Variants in PIP5K1B observed in about 807,000 individuals in gnomAD.
PIP5K1B encodes phosphatidylinositol 4-phosphate 5-kinase type-1 beta.
Under a neutral mutation model 67.0 loss-of-function variants are expected in PIP5K1B, and 42 were observed. The ratio of observed to expected loss-of-function variants is 0.63; its 90% confidence interval spans 0.49 to 0.81. The LOEUF is 0.81. Among genes scored for constraint, PIP5K1B ranks in the 30% least tolerant of loss-of-function variants. PIP5K1B has a pLI of 0.00. For synonymous variants in PIP5K1B, 214 were observed against 231.4 expected (o/e 0.92, Z 0.68); for missense variants, 459 against 646.3 (o/e 0.71, Z 3.14).
At chr9:68,832,681 A>G (rs1240464082) in intron 4 of PIP5K1B, among the ~76,000 whole-genome samples, 3 of 152,228 alleles carry the variant, frequency 2.0e-5, no homozygotes, top group South Asian at 2.1e-4. Context: ...TCTGACATGC[A>G]CGTACACCCA....
At chr9:68,716,496 A>G (rs12000046) in intron 1 of PIP5K1B, among the ~76,000 whole-genome samples, 17,772 of 152,212 alleles carry the variant, frequency 0.12, 1,132 homozygotes, top group African/African-American at 0.13. Context: ...TATCATCACT[A>G]ATCACCAGAG....
chr9:68,849,654 C>CA (rs1822379775), intron 4 of PIP5K1B, among the ~76,000 whole-genome samples: 1 of 152,240 alleles, frequency 6.6e-6, no homozygotes, highest in Non-Finnish European at 1.5e-5. Context: ...GCATGCGCCA[C>CA]CACGCCCAGC....
At chr9:68,950,834 A>G (rs1828030839) in intron 14 of PIP5K1B, among the ~76,000 whole-genome samples, 1 of 152,256 alleles carries the variant, frequency 6.6e-6, no homozygotes, top group African/African-American at 2.4e-5. Flanking sequence ...TCACCACAGT[A>G]GTGAGCCTTA....
At chr9:68,887,887 G>T (rs1019990901) in intron 6 of PIP5K1B, among the ~76,000 whole-genome samples, 7 of 151,944 alleles carry the variant, frequency 4.6e-5, no homozygotes, top group African/African-American at 1.4e-4. Flanking sequence ...GGGGGCAGAT[G>T]ATCTAGGGTC....
At chr9:69,007,580 G>A (rs989218320) in intron 15 of PIP5K1B, among the ~76,000 whole-genome samples, 23 of 152,152 alleles carry the variant, frequency 1.5e-4, no homozygotes, top group African/African-American at 3.6e-4. Flanking sequence ...AAATCAGGCC[G>A]GGTGAGGTGG....
At position 68,879,522 on chromosome 9, in the gene PIP5K1B, C is replaced by A. The variant is rs147423625; in HGVS notation, c.318+2728C>A. On this transcript the variant is annotated intron_variant, in intron 6 of 15. Coordinates refer to ENST00000265382, the MANE Select transcript of PIP5K1B (RefSeq NM_003558.4). The stretch of plus-strand genomic sequence containing the variant: ...GGCAGAGGTTGCAGTGAGCCAAGTT[C>A]GGACCTCTGTACTCCAGCCTGGGTG... Among the ~76,000 whole-genome samples the A allele has an allele frequency of 4.0e-3, 613 of 152,168 alleles. 1 individual carries two copies. Among genetic ancestry groups the A allele is most frequent in the Non-Finnish European group, 6.6e-3 (448 of 68,004 alleles).
intron 6 of PIP5K1B, among the ~76,000 whole-genome samples, chr9:68,883,714 C>T (rs1349816586): frequency 1.3e-5 from 2 of 151,954 alleles, no homozygotes; most frequent in Non-Finnish European, 2.9e-5. Flanking sequence ...TTTCAGATGC[C>T]TACATCCTCA....
At chr9:68,801,089 C>G (rs1832576571) in intron 2 of PIP5K1B, among the ~76,000 whole-genome samples, 1 of 152,168 alleles carries the variant, frequency 6.6e-6, no homozygotes, top group African/African-American at 2.4e-5. Context: ...GATATTTTAA[C>G]CCATTGCTCT....
chr9:68,915,117 A>G, intron 8 of PIP5K1B, among the ~76,000 whole-genome samples: 1 of 152,224 alleles, frequency 6.6e-6, no homozygotes, highest in East Asian at 1.9e-4. Context: ...ATGATATGTA[A>G]TAGTGTCAGC....
chr9:68,933,854 G>T (rs1357250461), intron 12 of PIP5K1B, among the ~76,000 whole-genome samples: 2 of 152,146 alleles, frequency 1.3e-5, no homozygotes, highest in Non-Finnish European at 2.9e-5. Flanking sequence ...GTGTCCCAAA[G>T]TCCTTCTCCA....
intron 15 of PIP5K1B, among the ~76,000 whole-genome samples, chr9:69,002,297 CA>C (rs1830856971): frequency 1.3e-5 from 2 of 152,238 alleles, no homozygotes; most frequent in Admixed American, 1.3e-4. Flanking sequence ...AGAGTAACGT[CA>C]CCTCTAATGC....
At position 68,746,925 on chromosome 9, in the gene PIP5K1B, C is replaced by T. The variant is rs78249809; in HGVS notation, c.-86+4268C>T. ...GATCCCCAAAGTTGTCATAGCCTCC[C>T]CTAACCCCCTCACACCAGACCTGTC... On this transcript the variant is annotated intron_variant, in intron 2 of 15. Coordinates refer to ENST00000265382, the MANE Select transcript of PIP5K1B (RefSeq NM_003558.4). 1.3e-3 allele frequency among the ~76,000 whole-genome samples: 202 copies of T among 152,256 alleles called. 1 individual carries two copies. Among genetic ancestry groups the T allele is most frequent in the African/African-American group, 3.9e-3 (163 of 41,526 alleles).
At chr9:68,795,799 A>G (rs1832258180) in intron 2 of PIP5K1B, among the ~76,000 whole-genome samples, 1 of 152,224 alleles carries the variant, frequency 6.6e-6, no homozygotes, top group Non-Finnish European at 1.5e-5. Flanking sequence ...ATATTTTCAT[A>G]GAGAATTCAG....
At chr9:68,798,732 G>T (rs1168970217) in intron 2 of PIP5K1B, among the ~76,000 whole-genome samples, 1 of 152,162 alleles carries the variant, frequency 6.6e-6, no homozygotes, top group African/African-American at 2.4e-5. Context: ...GACATTAAAG[G>T]GTTTTACACA....
intron 2 of PIP5K1B, chr9:68,780,422 C>A (rs1198976534): frequency 6.2e-7 from 1 of 1,614,114 alleles, no homozygotes; most frequent in Non-Finnish European, 8.5e-7. Flanking sequence ...GCCGCTTGCA[C>A]CAGATCAAAC....
intron 14 of PIP5K1B, among the ~76,000 whole-genome samples, chr9:68,943,274 T>C (rs1413897615): frequency 2.0e-5 from 3 of 152,162 alleles, no homozygotes; most frequent in Non-Finnish European, 2.9e-5. Context: ...ACCTGCCTGC[T>C]CCTGTAGGTA....
chr9:68,821,465 G>T (rs956417522), intron 3 of PIP5K1B, among the ~76,000 whole-genome samples: 1 of 152,186 alleles, frequency 6.6e-6, no homozygotes, highest in African/African-American at 2.4e-5. Context: ...TAAAACTGAT[G>T]TGAAAACAAT....
intron 2 of PIP5K1B, among the ~76,000 whole-genome samples, chr9:68,747,694 T>C (rs546263117): frequency 6.6e-6 from 1 of 152,318 alleles, no homozygotes; most frequent in South Asian, 2.1e-4. Context: ...TTTAAAATTG[T>C]AGATTTGCTG....
chr9:68,977,155 C>G (rs1012195784), intron 14 of PIP5K1B, among the ~76,000 whole-genome samples: 2 of 152,206 alleles, frequency 1.3e-5, no homozygotes, highest in African/African-American at 2.4e-5. Flanking sequence ...ATGTTAGACT[C>G]TGCCACATAT....
Sources: allele counts gnomAD v4.1 joint callset (sites outside exome capture counted in the v4.1 genomes callset), GRCh38; gene constraint gnomAD v4.1.1; transcripts MANE v1.5; gene names NCBI Gene and HGNC (gene_info 2026-07-23, HGNC 2026-07-21).